PCSK5: variants seen among roughly 807,000 people sequenced by gnomAD.
PCSK5 encodes prohormone convertase 5.
A neutral mutation model predicts 233.2 loss-of-function variants in PCSK5; 129 were observed. The ratio of observed to expected loss-of-function variants is 0.55; its 90% CI spans 0.48 to 0.64. The LOEUF (loss-of-function observed/expected upper bound fraction) is 0.64, where lower values mean the gene tolerates loss of function less well. PCSK5 is among the 30% of genes least tolerant of loss of function. PCSK5 has a pLI of 0.00. For synonymous variants in PCSK5, 825 were observed against 879.2 expected, an observed-to-expected ratio of 0.94 and a Z score of 1.09; for missense variants, 2,076 against 2,430.1, an observed-to-expected ratio of 0.85 and a Z score of 3.06.
intron 24 of PCSK5, among the ~76,000 whole-genome samples, chr9:76,258,765 G>A (rs1827062809): frequency 6.6e-6 from 1 of 152,202 alleles, no homozygotes; most frequent in African/African-American, 2.4e-5. Flanking sequence ...CAAATGGGAA[G>A]TTTGACCTAC....
intron 5 of PCSK5, among the ~76,000 whole-genome samples, chr9:76,045,213 G>A (rs968692865): frequency 5.9e-5 from 9 of 152,204 alleles, no homozygotes; most frequent in African/African-American, 2.2e-4. Context: ...TGATTATGAA[G>A]AAGAGTTGCA....
rs116942391 is a variant in PCSK5 at position 76,116,762 on chromosome 9, G to A, written c.1208+9411G>A. On this transcript the variant is annotated intron_variant, in intron 9 of 37. Transcript: ENST00000674117. ...AAATGAGGGTTAGGAATTCACACAGGTGATAGGTGTGGAAGGTGAATACAA... is the reference window on the plus strand; with the variant it reads ...AAATGAGGGTTAGGAATTCACACAGATGATAGGTGTGGAAGGTGAATACAA... Among the ~76,000 whole-genome samples the A allele has an allele frequency of 3.3e-4, 50 of 152,220 alleles. No homozygotes were observed. In the East Asian group the frequency reaches 9.7e-3, roughly 29 times the overall value.
At chr9:76,297,642 T>A (rs552148602) in intron 27 of PCSK5, among the ~76,000 whole-genome samples, 2 of 152,328 alleles carry the variant, frequency 1.3e-5, no homozygotes, top group South Asian at 4.1e-4. Flanking sequence ...ATCCTCTTCC[T>A]GTTGGAAAAA....
At chr9:76,067,874 A>C in intron 5 of PCSK5, 81 bp from the exon 6 acceptor site, 4 of 1,101,042 alleles carry the variant, frequency 3.6e-6, no homozygotes, top group Non-Finnish European at 4.2e-6. Flanking sequence ...ATTCTTCACC[A>C]CTCTGAGTGG....
intron 3 of PCSK5, among the ~76,000 whole-genome samples, chr9:75,991,920 T>C (rs910717646): frequency 2.0e-5 from 3 of 151,606 alleles, no homozygotes; most frequent in Non-Finnish European, 4.4e-5. Flanking sequence ...CCCCTCTCTC[T>C]AAAAAAATGT....
intron 37 of PCSK5, among the ~76,000 whole-genome samples, chr9:76,355,133 T>C (rs1183583543): frequency 6.6e-6 from 1 of 152,124 alleles, no homozygotes; most frequent in African/African-American, 2.4e-5. Flanking sequence ...TTGGTTCTCA[T>C]TGGTCACAAA....
Position 76,353,926 on chromosome 9 carries a change from C to T in PCSK5, c.5068-107C>T, listed in dbSNP as rs74720245. The stretch of plus-strand genomic sequence containing the variant: ...GAACACACCATCCTTCTGCTGTCCC[C>T]CACACATCTCCCTCCTTATGAAGAC... On this transcript the variant is annotated intron_variant, in intron 36 of 37. Transcript: ENST00000674117. The T allele has an allele frequency of 9.7e-3, 7,509 of 773,736 alleles. 332 individuals are homozygous for T. In the African/African-American group the frequency reaches 0.11, roughly 11 times the overall value. The allele number at this position is 773,736 out of a possible 1,614,324, so 47.9% of individuals were successfully genotyped here.
rs1465396332 is a variant in PCSK5, at chr9:76,164,442, A to G, written c.1620-5262A>G. 3.3e-5 allele frequency among the ~76,000 whole-genome samples: 5 copies of G among 152,348 alleles called. No individual in the cohort carries two copies. In the South Asian group the frequency reaches 8.3e-4, roughly 25 times the overall value. ...ACACGTATTAAGATCACGTACAGTT[A>G]CATACTTAGCACAGTGCCTAGCATA... On this transcript the variant is annotated intron_variant, in intron 12 of 37. Transcript: ENST00000674117.
chr9:76,152,148 T>G (rs947983100), intron 10 of PCSK5, among the ~76,000 whole-genome samples: 4 of 152,206 alleles, frequency 2.6e-5, no homozygotes, highest in Non-Finnish European at 4.4e-5. Flanking sequence ...TATTAACAGC[T>G]GGGAGAGTAC....
chr9:76,083,964 A>T (rs2131625946), intron 7 of PCSK5, among the ~76,000 whole-genome samples: 1 of 152,334 alleles, frequency 6.6e-6, no homozygotes, highest in East Asian at 1.9e-4. Context: ...TTACTGTTAA[A>T]CTGGTCAGCA....
At chr9:76,077,742 T>C (rs1274962512) in intron 7 of PCSK5, among the ~76,000 whole-genome samples, 2 of 152,230 alleles carry the variant, frequency 1.3e-5, no homozygotes, top group Non-Finnish European at 2.9e-5. Flanking sequence ...GGTTTTATTC[T>C]TTTTCATGGC....
chr9:76,053,048 G>A lies in PCSK5; in HGVS notation c.633-14907G>A, dbSNP rs554676863. ...GGCTCCCATGGCATTGGACAGTTCC[G>A]CCCCTGTGGCTTTGCAGGGTACAGC... is the stretch of plus-strand genomic sequence containing the variant. On this transcript the variant is annotated intron_variant, in intron 5 of 37. Coordinates refer to ENST00000674117, the MANE Select transcript of PCSK5 (RefSeq NM_001372043.1). Among the ~76,000 whole-genome samples, 35 of 152,318 alleles carry A rather than the reference G, an allele frequency of 2.3e-4. No individual in the cohort carries two copies. The South Asian group carries it at 3.1e-3, about 14-fold the overall frequency.
intron 3 of PCSK5, among the ~76,000 whole-genome samples, chr9:75,998,616 C>T (rs74912882): frequency 0.021 from 3,216 of 152,246 alleles, 104 homozygotes; most frequent in African/African-American, 0.071. Flanking sequence ...GTCACTTGGT[C>T]TAAATTCCAG....
intron 35 of PCSK5, among the ~76,000 whole-genome samples, chr9:76,339,931 T>G (rs1829783340): frequency 6.6e-6 from 1 of 152,190 alleles, no homozygotes. Flanking sequence ...CCATGTATTC[T>G]AGAAGCTAGA....
chr9:75,944,466 T>A (rs986007388), intron 2 of PCSK5, among the ~76,000 whole-genome samples: 11 of 152,138 alleles, frequency 7.2e-5, no homozygotes, highest in African/African-American at 2.7e-4. Context: ...ATTTCAAAGC[T>A]AATGGATATA....
In PCSK5 at chr9:76,134,228, A is replaced by G; in HGVS notation, c.1312+16A>G. 2.1e-6 allele frequency: 3 copies of G among 1,457,894 alleles called. No individual in the cohort carries two copies. The highest frequency in any genetic ancestry group is 2.8e-6 in the Non-Finnish European group (3 of 1,053,202). 90.3% of individuals were successfully genotyped at this position (1,457,894 alleles called of 1,614,324 possible). On this transcript the variant is annotated intron_variant, in intron 10 of 37. Transcript: ENST00000674117. ...GGTTTTAAGGGTGAGAACTTCTTTC[A>G]TATTCTGTCACAGGCAAAATATTTT... is the stretch of plus-strand genomic sequence containing the variant.
At chr9:76,114,607 A>T (rs1350022600) in intron 9 of PCSK5, among the ~76,000 whole-genome samples, 7 of 152,264 alleles carry the variant, frequency 4.6e-5, no homozygotes, top group African/African-American at 1.7e-4. Flanking sequence ...ACTAAGAAAC[A>T]TGTTGGATAG....
At chr9:76,068,281 T>G (rs983408584) in intron 6 of PCSK5, among the ~76,000 whole-genome samples, 3 of 152,118 alleles carry the variant, frequency 2.0e-5, no homozygotes, top group African/African-American at 7.2e-5. Context: ...TAAACAGACT[T>G]GAAAAAAATG....
rs528492771 is a variant in PCSK5, at chr9:76,219,587, C to T, written c.2627-7916C>T. Reference sequence around the variant, plus strand: ...CCTCAGGAAGGCTCTGTGGGCCACGCTCCTGAAAATTTCACCTGCCATCTT... The same window carrying T: ...CCTCAGGAAGGCTCTGTGGGCCACGTTCCTGAAAATTTCACCTGCCATCTT... On this transcript the variant is annotated intron_variant, in intron 20 of 37. Coordinates refer to ENST00000674117, the MANE Select transcript of PCSK5 (RefSeq NM_001372043.1). Among the ~76,000 whole-genome samples, 9 of 152,258 alleles carry T rather than the reference C, an allele frequency of 5.9e-5. No individual in the cohort carries two copies. In the East Asian group the frequency reaches 1.2e-3, roughly 20 times the overall value.
Sources: allele counts gnomAD v4.1 joint callset (sites outside exome capture counted in the v4.1 genomes callset), GRCh38; gene constraint gnomAD v4.1.1; transcripts MANE v1.5; gene names NCBI Gene and HGNC (gene_info 2026-07-23, HGNC 2026-07-21).